APBB2: variants seen among roughly 807,000 people sequenced by gnomAD.
The protein encoded by APBB2 is amyloid beta precursor protein binding family B member 2, also known as Fe65-like 1.
Under a neutral mutation model 82.5 loss-of-function variants are expected in APBB2, and 38 were observed. That is an observed-to-expected ratio of 0.46 (90% CI 0.36 to 0.60). The LOEUF (loss-of-function observed/expected upper bound fraction) is 0.60. Ranked by LOEUF, APBB2 falls within the 20% of genes least tolerant of loss-of-function variation. APBB2 has a pLI of 0.00. For missense variants in APBB2, 772 were observed against 972.3 expected, an observed-to-expected ratio of 0.79 and a Z score of 2.74; for synonymous variants, 341 against 368.2, an observed-to-expected ratio of 0.93 and a Z score of 0.85.
intron 12 of APBB2, among the ~76,000 whole-genome samples, chr4:40,852,712 C>G (rs1486071759): frequency 6.6e-6 from 1 of 152,054 alleles, no homozygotes; most frequent in Non-Finnish European, 1.5e-5. Flanking sequence ...GCGATCTCAG[C>G]TCACTGCAAC....
intron 10 of APBB2, among the ~76,000 whole-genome samples, chr4:40,928,078 C>T (rs960733372): frequency 6.6e-6 from 1 of 152,170 alleles, no homozygotes; most frequent in African/African-American, 2.4e-5. Context: ...GCTACCTGGC[C>T]GCCTAAAACG....
intron 1 of APBB2, among the ~76,000 whole-genome samples, chr4:41,195,169 C>T: frequency 6.6e-6 from 1 of 152,256 alleles, no homozygotes; most frequent in South Asian, 2.1e-4. Flanking sequence ...CCCTCTCAGA[C>T]CTCTGCCCTA....
At chr4:41,042,517 G>A (rs1721919830) in intron 4 of APBB2, among the ~76,000 whole-genome samples, 1 of 152,162 alleles carries the variant, frequency 6.6e-6, no homozygotes, top group Admixed American at 6.5e-5. Flanking sequence ...TGGCCAACTG[G>A]ATGTTAGCAA....
rs371273188 is a variant in APBB2, at chr4:40,978,655, G to A, written c.836-33582C>T. ...AAAAGGGTTTTTTGCAAGGTAGCTG[G>A]ATCATATAAGCTTTCTGTGGTTCCT... is the stretch of plus-strand genomic sequence containing the variant. On this transcript the variant is annotated intron_variant, in intron 6 of 17. Coordinates refer to ENST00000508593, the MANE Select transcript of APBB2 (RefSeq NM_004307.2). 7.4e-4 allele frequency among the ~76,000 whole-genome samples: 113 copies of A among 152,258 alleles called. 2 individuals are homozygous for A. In the South Asian group the frequency reaches 0.022, roughly 29 times the overall value.
chr4:40,815,038 G>C lies in APBB2; in HGVS notation c.*1054C>G, dbSNP rs111569874. On this transcript the variant is annotated 3_prime_UTR_variant, in exon 18 of 18. Coordinates refer to ENST00000508593, the MANE Select transcript of APBB2 (RefSeq NM_004307.2). ...AGCTTTCTGGGCAAAAAGCATCAGA[G>C]GGGGATAGAGCTGGATGCAGAATTC... The C allele has an allele frequency of 3.6e-3, 555 of 152,588 alleles. 5 individuals are homozygous for C. The highest frequency in any genetic ancestry group is 4.1e-3 in the Non-Finnish European group (282 of 68,032). 9.5% of individuals were successfully genotyped at this position (152,588 alleles called of 1,614,324 possible).
chr4:40,883,948 C>T (rs1370886134), intron 12 of APBB2, among the ~76,000 whole-genome samples: 1 of 152,186 alleles, frequency 6.6e-6, no homozygotes, highest in Non-Finnish European at 1.5e-5. Context: ...ATGGTGTGTC[C>T]ACCTTTGCTT....
chr4:40,862,200 A>C (rs1459604981), intron 12 of APBB2, among the ~76,000 whole-genome samples: 4 of 152,248 alleles, frequency 2.6e-5, no homozygotes, highest in Non-Finnish European at 5.9e-5. Flanking sequence ...TAAACATTAA[A>C]CAAGAAAGTC....
rs569057282 is a variant in APBB2 at position 41,062,030 on chromosome 4, G to A, written c.-51+3546C>T. The stretch of plus-strand genomic sequence containing the variant: ...GGCCCTGTTCAGACACAGGCCTGGT[G>A]AGCAGGCCCCAGGTCAAATTGGCTT... On this transcript the variant is annotated intron_variant, in intron 4 of 17. Coordinates refer to ENST00000508593, the MANE Select transcript of APBB2 (RefSeq NM_004307.2). Among the ~76,000 whole-genome samples the A allele has an allele frequency of 3.8e-3, 583 of 152,324 alleles. 2 individuals are homozygous for A. Among genetic ancestry groups the A allele is most frequent in the African/African-American group, 0.013 (544 of 41,576 alleles).
At chr4:40,839,592 T>C (rs978963996) in intron 12 of APBB2, among the ~76,000 whole-genome samples, 3 of 152,106 alleles carry the variant, frequency 2.0e-5, no homozygotes, top group Admixed American at 2.0e-4. Context: ...TACCATATTA[T>C]AAATGAGGAA....
At chr4:41,011,327 C>T (rs1448450511) in intron 6 of APBB2, among the ~76,000 whole-genome samples, 2 of 151,662 alleles carry the variant, frequency 1.3e-5, no homozygotes, top group East Asian at 1.9e-4. Context: ...ACTACAGGCA[C>T]GCACCACCAC....
At chr4:41,041,736 C>T (rs2154447917) in intron 4 of APBB2, among the ~76,000 whole-genome samples, 1 of 152,256 alleles carries the variant, frequency 6.6e-6, no homozygotes, top group Admixed American at 6.5e-5. Flanking sequence ...ATTCTGTGTT[C>T]TCCAAGTGAG....
chr4:41,104,890 C>T (rs1580072046), intron 2 of APBB2, among the ~76,000 whole-genome samples: 2 of 152,274 alleles, frequency 1.3e-5, no homozygotes, highest in South Asian at 2.1e-4. Context: ...TTTTCTTTCT[C>T]CAGTCCACTG....
At chr4:40,967,079 G>T (rs1794842239) in intron 6 of APBB2, among the ~76,000 whole-genome samples, 1 of 152,190 alleles carries the variant, frequency 6.6e-6, no homozygotes, top group Non-Finnish European at 1.5e-5. Flanking sequence ...TCAGGCAGAT[G>T]ATGGGATCAC....
chr4:41,120,097 T>C (rs910250431), intron 2 of APBB2, among the ~76,000 whole-genome samples: 10 of 152,198 alleles, frequency 6.6e-5, no homozygotes, highest in Non-Finnish European at 5.9e-5. Flanking sequence ...CTCATTCAAA[T>C]CCACGACTAG....
chr4:40,977,313 T>C (rs1797407025), intron 6 of APBB2, among the ~76,000 whole-genome samples: 1 of 131,526 alleles, frequency 7.6e-6, no homozygotes, highest in Non-Finnish European at 1.6e-5. Context: ...GAATTCAATA[T>C]AGTTGTTTTT....
intron 3 of APBB2, among the ~76,000 whole-genome samples, chr4:41,079,371 AG>A: frequency 6.6e-6 from 1 of 152,332 alleles, no homozygotes; most frequent in South Asian, 2.1e-4. Context: ...CAGGATACAC[AG>A]GTAGAGATAG....
chr4:40,930,564 C>T (rs1000285731), intron 10 of APBB2, among the ~76,000 whole-genome samples: 2 of 152,008 alleles, frequency 1.3e-5, no homozygotes, highest in African/African-American at 4.8e-5. Context: ...TGCCCAGATT[C>T]AGAGTAGTAG....
chr4:40,872,380 C>T (rs923555041), intron 12 of APBB2, among the ~76,000 whole-genome samples: 1 of 152,202 alleles, frequency 6.6e-6, no homozygotes, highest in Admixed American at 6.5e-5. Context: ...CAGGTGGGAC[C>T]TGCACTAAGT....
chr4:40,963,891 C>A (rs1002863516), intron 6 of APBB2, among the ~76,000 whole-genome samples: 4 of 152,186 alleles, frequency 2.6e-5, no homozygotes, highest in Non-Finnish European at 5.9e-5. Context: ...ATTTACCCTT[C>A]TCTTTAGAAA....
Sources: allele counts gnomAD v4.1 joint callset (sites outside exome capture counted in the v4.1 genomes callset), GRCh38; gene constraint gnomAD v4.1.1; transcripts MANE v1.5; gene names NCBI Gene and HGNC (gene_info 2026-07-23, HGNC 2026-07-21).